Variants in CACNB2 observed in about 807,000 individuals in gnomAD.
The protein encoded by CACNB2 is voltage-dependent L-type calcium channel subunit beta-2.
A neutral mutation model predicts 73.3 loss-of-function variants in CACNB2; 42 were observed. The ratio of observed to expected loss-of-function variants is 0.57; its 90% confidence interval spans 0.45 to 0.74. The LOEUF (loss-of-function observed/expected upper bound fraction) is 0.74, where lower values mean the gene tolerates loss of function less well. Ranked by LOEUF, CACNB2 falls within the 30% of genes least tolerant of loss-of-function variation. The probability of loss-of-function intolerance (pLI) is 0.00; values close to 1 mark genes in which losing one functional copy is unlikely to be tolerated. For missense variants in CACNB2, 940 were observed against 853.0 expected, an observed-to-expected ratio of 1.10 and a Z score of -1.27; for synonymous variants, 348 against 310.3, an observed-to-expected ratio of 1.12 and a Z score of -1.28.
At chr10:18,467,199 AT>A (rs1564582421) in intron 3 of CACNB2, among the ~76,000 whole-genome samples, 1 of 152,230 alleles carries the variant, frequency 6.6e-6, no homozygotes, top group Non-Finnish European at 1.5e-5. Flanking sequence ...AAACATTGTC[AT>A]TTTTTGAAAA....
chr10:18,224,817 T>A (rs185504928), intron 2 of CACNB2, among the ~76,000 whole-genome samples: 1 of 152,338 alleles, frequency 6.6e-6, no homozygotes, highest in Non-Finnish European at 1.5e-5. Context: ...CATCTCCAGA[T>A]TGCAGGAGCA....
intron 2 of CACNB2, among the ~76,000 whole-genome samples, chr10:18,256,398 C>T (rs1365392500): frequency 6.6e-6 from 1 of 152,210 alleles, no homozygotes; most frequent in Middle Eastern, 3.4e-3. Flanking sequence ...TTTTCTACTT[C>T]TTAATAAAAC....
intron 2 of CACNB2, among the ~76,000 whole-genome samples, chr10:18,350,281 A>T (rs1188637273): frequency 6.6e-6 from 1 of 152,134 alleles, no homozygotes; most frequent in Admixed American, 6.6e-5. Flanking sequence ...AATAATAATA[A>T]TAATTCTCAT....
In CACNB2 at chr10:18,498,361, C is replaced by G. The variant is rs768218683; in HGVS notation, c.340C>G (p.Pro114Ala). 5.6e-6 allele frequency: 9 copies of G among 1,614,112 alleles called. No individual in the cohort carries two copies. The Middle Eastern group carries it at 4.9e-4, about 89-fold the overall frequency. Residue 114 changes from proline to alanine, a missense_variant, in exon 4 of 14, where the codon CCC (proline) becomes GCC (alanine). By Grantham distance (27) the Pro-to-Ala change is conservative (BLOSUM62 -1). Coordinates refer to ENST00000324631, the MANE Select transcript of CACNB2 (RefSeq NM_201596.3). ...QAQLEKAKTKPVAFAVRTNVS... is the reference protein window; with the variant it reads ...QAQLEKAKTKAVAFAVRTNVS... ...CTTCCTTTTCCCACTTTAGACAAAG[C>G]CCGTTGCATTTGCGGTTCGGACAAA...
At chr10:18,355,710 C>T (rs1289842215) in intron 2 of CACNB2, among the ~76,000 whole-genome samples, 1 of 150,814 alleles carries the variant, frequency 6.6e-6, no homozygotes, top group Non-Finnish European at 1.5e-5. Context: ...GATCTCGGCT[C>T]GCTGCAACAT....
chr10:18,464,789 G>A (rs945192613), intron 3 of CACNB2, among the ~76,000 whole-genome samples: 1 of 152,234 alleles, frequency 6.6e-6, no homozygotes, highest in Non-Finnish European at 1.5e-5. Context: ...CTGCATTTAC[G>A]CAGGGGCGGT....
chr10:18,479,844 C>A (rs2048632854), intron 3 of CACNB2, among the ~76,000 whole-genome samples: 1 of 152,180 alleles, frequency 6.6e-6, no homozygotes, highest in Non-Finnish European at 1.5e-5. Flanking sequence ...ATAAATTGCC[C>A]AGTCTCAGGT....
chr10:18,230,788 T>C (rs2131446226), intron 2 of CACNB2, among the ~76,000 whole-genome samples: 1 of 152,182 alleles, frequency 6.6e-6, no homozygotes. Flanking sequence ...TAAATGATCA[T>C]TTCAAGTCCC....
chr10:18,423,311 T>G (rs571905692), intron 3 of CACNB2, among the ~76,000 whole-genome samples: 1 of 152,252 alleles, frequency 6.6e-6, no homozygotes, highest in African/African-American at 2.4e-5. Flanking sequence ...TAGTTTGGGG[T>G]GGAGATAACG....
intron 2 of CACNB2, among the ~76,000 whole-genome samples, chr10:18,397,833 G>A (rs991013761): frequency 1.3e-5 from 2 of 152,086 alleles, no homozygotes; most frequent in Non-Finnish European, 2.9e-5. Context: ...CAAAGTGAGA[G>A]CTCTAAGGAT....
intron 3 of CACNB2, among the ~76,000 whole-genome samples, chr10:18,461,577 A>T (rs770297427): frequency 6.6e-6 from 1 of 151,514 alleles, no homozygotes; most frequent in Non-Finnish European, 1.5e-5. Flanking sequence ...GGGGTGGGAG[A>T]TGGTTTTGGG....
chr10:18,200,278 T>A (rs1373631635), intron 2 of CACNB2, among the ~76,000 whole-genome samples: 1 of 152,054 alleles, frequency 6.6e-6, no homozygotes, highest in Non-Finnish European at 1.5e-5. Flanking sequence ...AAAAGTTTTT[T>A]TGTGTTGAAG....
intron 2 of CACNB2, among the ~76,000 whole-genome samples, chr10:18,321,965 C>T (rs944659649): frequency 8.5e-5 from 13 of 152,082 alleles, no homozygotes; most frequent in Non-Finnish European, 1.9e-4. Context: ...CCAGCCTGAA[C>T]AACATAGCAA....
chr10:18,229,695 T>TA (rs149358230), intron 2 of CACNB2, among the ~76,000 whole-genome samples: 2,349 of 152,286 alleles, frequency 0.015, 46 homozygotes, highest in East Asian at 0.11. Flanking sequence ...TCTTCTATGG[T>TA]AAACAGTCCT....
At chr10:18,306,794 G>A (rs1419229445) in intron 2 of CACNB2, among the ~76,000 whole-genome samples, 3 of 152,158 alleles carry the variant, frequency 2.0e-5, no homozygotes, top group Admixed American at 6.5e-5. Context: ...AGGTGATTCC[G>A]GGAGGTTAAT....
At chr10:18,212,917 T>A (rs2035374902) in intron 2 of CACNB2, among the ~76,000 whole-genome samples, 1 of 152,242 alleles carries the variant, frequency 6.6e-6, no homozygotes, top group African/African-American at 2.4e-5. Flanking sequence ...TTAATTATGA[T>A]ATATGACCTC....
intron 3 of CACNB2, among the ~76,000 whole-genome samples, chr10:18,466,402 G>A (rs1265125293): frequency 6.6e-6 from 1 of 151,820 alleles, no homozygotes; most frequent in Non-Finnish European, 1.5e-5. Context: ...ACCATGCCCA[G>A]CTAAATTTTT....
chr10:18,180,607 A>G (rs1276962386), intron 2 of CACNB2, among the ~76,000 whole-genome samples: 1 of 152,152 alleles, frequency 6.6e-6, no homozygotes, highest in Non-Finnish European at 1.5e-5. Flanking sequence ...GATTAGGGAC[A>G]GTGTAAACCA....
chr10:18,471,886 A>G (rs765180290), intron 3 of CACNB2, among the ~76,000 whole-genome samples: 1 of 152,212 alleles, frequency 6.6e-6, no homozygotes, highest in South Asian at 2.1e-4. Flanking sequence ...ACCTCTACAA[A>G]TATCATATAC....
Sources: gnomAD v4.1 joint callset for allele counts (sites outside exome capture counted in the v4.1 genomes callset) on GRCh38, gnomAD v4.1.1 for gene constraint, MANE v1.5 for transcripts, NCBI Gene and HGNC (gene_info 2026-07-23, HGNC 2026-07-21) for gene names.